Variants in LTBR observed in about 807,000 individuals in gnomAD.
LTBR encodes lymphotoxin beta receptor, also known as tumor necrosis factor receptor superfamily member 3.
In LTBR, 15 loss-of-function variants were observed where a neutral mutation model predicts 45.4. The observed-to-expected ratio is 0.33, with a 90% CI of 0.22 to 0.51. The LOEUF (loss-of-function observed/expected upper bound fraction) is 0.51, where lower values mean the gene tolerates loss of function less well. Among genes scored for constraint, LTBR ranks in the 20% least tolerant of loss-of-function variants. The probability of loss-of-function intolerance (pLI) is 0.97; values close to 1 mark genes in which losing one functional copy is unlikely to be tolerated. For synonymous variants in LTBR, 228 were observed against 231.0 expected, an observed-to-expected ratio of 0.99 and a Z score of 0.12; for missense variants, 450 against 565.5, an observed-to-expected ratio of 0.80 and a Z score of 2.07.
Position 6,386,089 on chromosome 12 carries a change from C to A in LTBR, c.496C>A (p.His166Asn), listed in dbSNP as rs755003381. Residue 166 changes from histidine (H) to asparagine (N), a missense_variant, in exon 5 of 10, where the codon CAC becomes AAC. Physicochemically the swap from His to Asn is moderately conservative, Grantham distance 68 (BLOSUM62 1). Transcript: ENST00000228918. This position sits in a 1 kb window ranked among gnomAD's most constrained non-coding sequence, Gnocchi z 4.1. ...AGATGAAGTTGGGAAGGGTAACAAC[C>A]ACTGCGTCCCCTGCAAGGCCGGGCA... ...LKDEVGKGNN[H>N]CVPCKAGHFQ... 30 of 1,613,770 alleles carry A rather than the reference C, an allele frequency of 1.9e-5. No individual in the cohort carries two copies. The highest frequency in any genetic ancestry group is 5.3e-5 in the African/African-American group (4 of 74,876).
At chr12:6,389,182 A>G (rs1949082442) in intron 8 of LTBR, 2 of 204,336 alleles carry the variant, frequency 9.8e-6, no homozygotes, top group Non-Finnish European at 2.0e-5. Flanking sequence ...AGAACCTGAT[A>G]TTTGAGCGGA....
At position 6,385,386 on chromosome 12, in the gene LTBR, G is replaced by A. The variant is rs768927018; in HGVS notation, c.472+7G>A. On this transcript the variant is annotated splice_region_variant and intron_variant, in intron 4 of 9. Coordinates refer to ENST00000228918, the MANE Select transcript of LTBR (RefSeq NM_002342.3). ...ACTGAAGCCGAGCTCAAAGGTCAGA[G>A]GTCCCTGAGGGGCTGGATGTGAAAA... is the stretch of plus-strand genomic sequence containing the variant. 2.5e-6 allele frequency: 4 copies of A among 1,613,794 alleles called. No individual in the cohort carries two copies. Among genetic ancestry groups the A allele is most frequent in the Middle Eastern group, 3.3e-4 (2 of 6,054 alleles).
chr12:6,378,704 C>T (rs1948945027), intron 1 of LTBR, among the ~76,000 whole-genome samples: 1 of 152,162 alleles, frequency 6.6e-6, no homozygotes, highest in South Asian at 2.1e-4. Context: ...AAAACCAGGC[C>T]ACTCCTTTCC....
At position 6,388,347 on chromosome 12, in the gene LTBR, C is replaced by T. The variant is rs1949072317; in HGVS notation, c.668-51C>T. ...GGAAAGCTCTTCCTTCTCCTCCTCCCCTCTGCCCTTCTTGGGGCTGTGATC... is the reference window on the plus strand; with the variant it reads ...GGAAAGCTCTTCCTTCTCCTCCTCCTCTCTGCCCTTCTTGGGGCTGTGATC... On this transcript the variant is annotated intron_variant, in intron 6 of 9. Transcript: ENST00000228918. The surrounding 1 kb of genome is among the most constrained non-coding windows in gnomAD (Gnocchi z 4.3). 7.3e-7 allele frequency: 1 copy of T among 1,366,072 alleles called. No individual in the cohort carries two copies. Among genetic ancestry groups the T allele is most frequent in the Non-Finnish European group, 1.0e-6 (1 of 956,246 alleles). 84.6% of individuals were successfully genotyped at this position (1,366,072 alleles called of 1,614,324 possible).
At position 6,386,745 on chromosome 12, in the gene LTBR, C is replaced by CA. The variant is rs1565494696; in HGVS notation, c.667+301_667+302insA. On this transcript the variant is annotated intron_variant, in intron 6 of 9. Coordinates refer to ENST00000228918, the MANE Select transcript of LTBR (RefSeq NM_002342.3). The surrounding 1 kb of genome is among the most constrained non-coding windows in gnomAD (Gnocchi z 4.1). ...TTGGGCTTACCAACATTACACAATC[C>CA]GTTTTTTTTTTTCACACAATCCATT... 2.8e-5 allele frequency: 8 copies of CA among 288,710 alleles called. No individual in the cohort carries two copies. The highest frequency in any genetic ancestry group is 4.5e-5 in the Non-Finnish European group (7 of 155,812). 17.9% of individuals were successfully genotyped at this position (288,710 alleles called of 1,614,324 possible).
At chr12:6,376,776 C>A (rs897794179) in intron 1 of LTBR, among the ~76,000 whole-genome samples, 1 of 152,196 alleles carries the variant, frequency 6.6e-6, no homozygotes, top group Admixed American at 6.5e-5. Context: ...CGCTTCCTCA[C>A]GGGCCCCACA....
chr12:6,384,358 C>T lies in LTBR; in HGVS notation c.-1C>T, dbSNP rs201263587. 142 of 1,503,186 alleles carry T rather than the reference C, an allele frequency of 9.4e-5. No individual in the cohort carries two copies. The East Asian group carries it at 2.6e-3, about 28-fold the overall frequency. The allele number at this position is 1,503,186 out of a possible 1,614,324, so 93.1% of individuals were successfully genotyped here. A position where few individuals can be genotyped will look rare whatever the true frequency, so the allele number is the denominator to read the frequency against. On this transcript the variant is annotated 5_prime_UTR_variant, in exon 1 of 10. Coordinates refer to ENST00000228918, the MANE Select transcript of LTBR (RefSeq NM_002342.3). ...GCTGGCCGCCTGGCCGAGTGGCCGC[C>T]ATGCTCCTGCCTTGGGCCACCTCTG...
upstream of LTBR, among the ~76,000 whole-genome samples, chr12:6,381,658 T>C (rs1295447308): frequency 6.6e-6 from 1 of 152,210 alleles, no homozygotes; most frequent in Non-Finnish European, 1.5e-5. Flanking sequence ...GGGAAGGGCA[T>C]GTAGCAAACA....
chr12:6,387,853 C>G (rs1397411961), intron 6 of LTBR: 3 of 455,378 alleles, frequency 6.6e-6, no homozygotes, highest in Non-Finnish European at 1.3e-5. Flanking sequence ...ACCAGGCGGC[C>G]ACAGGCAGTT....
chr12:6,379,917 A>C (rs1455873822), upstream of LTBR, among the ~76,000 whole-genome samples: 4 of 149,700 alleles, frequency 2.7e-5, no homozygotes, highest in Admixed American at 2.7e-4. Context: ...CTGGGAGACA[A>C]AGCAAGACTC....
At chr12:6,377,597 A>G (rs1178462233) in intron 1 of LTBR, 6 of 1,112,484 alleles carry the variant, frequency 5.4e-6, no homozygotes, top group East Asian at 8.8e-5. Context: ...AGGTCTCTGC[A>G]CTGTCCCCAC....
Position 6,386,268 on chromosome 12 carries a change from GC to G in LTBR, c.570-77del. 1 of 1,489,094 alleles carries G rather than the reference GC, an allele frequency of 6.7e-7. No homozygotes were observed. The highest frequency in any genetic ancestry group is 9.3e-7 in the Non-Finnish European group (1 of 1,070,288). 92.2% of individuals were successfully genotyped at this position (1,489,094 alleles called of 1,614,324 possible). On this transcript the variant is annotated intron_variant, in intron 5 of 9. Coordinates refer to ENST00000228918, the MANE Select transcript of LTBR (RefSeq NM_002342.3). This position sits in a 1 kb window ranked among gnomAD's most constrained non-coding sequence, Gnocchi z 4.1. The stretch of plus-strand genomic sequence containing the variant: ...CCACGGACTCGACTCACCACTTTCA[GC>G]CTCCCCGCCTGCCCAGTGGAGTCGG...
chr12:6,384,629 G>C lies in LTBR; in HGVS notation c.138G>C (p.Gln46His). The C allele has an allele frequency of 1.9e-6, 3 of 1,614,228 alleles. No individual in the cohort carries two copies. Among genetic ancestry groups the C allele is most frequent in the Non-Finnish European group, 2.5e-6 (3 of 1,180,026 alleles). ...CGGAGAACCAGACCTGCAGGGACCA[G>C]GAAAAGGAATACTATGAGCCCCAGC... ...YASENQTCRDQEKEYYEPQHR... is the reference protein window; with the variant it reads ...YASENQTCRDHEKEYYEPQHR... The change falls in exon 2 of 10, where the codon CAG becomes CAC. Residue 46 changes from glutamine to histidine, a missense_variant. Transcript: ENST00000228918.
chr12:6,376,723 C>G (rs1451478174), intron 1 of LTBR, among the ~76,000 whole-genome samples: 1 of 152,108 alleles, frequency 6.6e-6, no homozygotes, highest in Non-Finnish European at 1.5e-5. Flanking sequence ...CTCGGGAGAG[C>G]CACCCACACA....
Position 6,386,414 on chromosome 12 carries a change from C to T in LTBR, c.637C>T (p.Pro213Ser), listed in dbSNP as rs1332727598. ...TAQSDTTCKN[P>S]LEPLPPEMSG... ...CCAGTCCGACACAACCTGCAAAAAT[C>T]CATTAGAGCCACTGCCCCCAGAGAT... Residue 213 changes from proline to serine, a missense_variant, in exon 6 of 10, where the codon CCA becomes TCA. This residue lies in a region of LTBR where 367 missense variants were observed against 435.4 expected (regional missense o/e 0.84). Coordinates refer to ENST00000228918, the MANE Select transcript of LTBR (RefSeq NM_002342.3). The surrounding 1 kb of genome is among the most constrained non-coding windows in gnomAD (Gnocchi z 4.1). 6.2e-7 allele frequency: 1 copy of T among 1,613,562 alleles called. No individual in the cohort carries two copies. Among genetic ancestry groups the T allele is most frequent in the Non-Finnish European group, 8.5e-7 (1 of 1,179,930 alleles).
intron 8 of LTBR, 194 bp from the exon 9 acceptor site, chr12:6,389,918 C>A: frequency 1.7e-6 from 1 of 591,008 alleles, no homozygotes; most frequent in South Asian, 2.0e-5. Context: ...GATTGCACCA[C>A]TGCACTGTAG....
chr12:6,376,337 T>C (rs1250712256), intron 1 of LTBR: 2 of 223,774 alleles, frequency 8.9e-6, no homozygotes, highest in East Asian at 1.8e-4. Flanking sequence ...TGTTCTTTTT[T>C]ACACTGTTGG....
chr12:6,379,874 G>A (rs1287637436), upstream of LTBR, among the ~76,000 whole-genome samples: 1 of 149,318 alleles, frequency 6.7e-6, no homozygotes, highest in East Asian at 2.0e-4. Flanking sequence ...GTGGAGCTTG[G>A]AGTGAGCCAA....
chr12:6,390,690 C>G lies in LTBR; in HGVS notation c.1061C>G (p.Ser354Cys). The G allele has an allele frequency of 1.3e-6, 2 of 1,499,852 alleles. No homozygotes were observed. The highest frequency in any genetic ancestry group is 1.8e-6 in the Non-Finnish European group (2 of 1,125,216). 92.9% of individuals were successfully genotyped at this position (1,499,852 alleles called of 1,614,324 possible). The change falls in exon 10 of 10, where the codon TCT (serine) becomes TGT (cysteine). Residue 354 changes from serine to cysteine, a missense_variant. Coordinates refer to ENST00000228918, the MANE Select transcript of LTBR (RefSeq NM_002342.3). ...AATGGCATTCATGTCACCGGCGGGT[C>G]TATGACTATCACTGGCAACATCTAC... is the stretch of plus-strand genomic sequence containing the variant. ...GTNGIHVTGG[S>C]MTITGNIYIY...
Sources: gnomAD v4.1 joint callset for allele counts (sites outside exome capture counted in the v4.1 genomes callset) on GRCh38, gnomAD v4.1.1 for gene constraint, gnomAD v4.1.1 regional missense constraint, Gnocchi (gnomAD v3.1) non-coding constraint, MANE v1.5 for transcripts, NCBI Gene and HGNC (gene_info 2026-07-23, HGNC 2026-07-21) for gene names.